The following CEP68 variants were observed in gnomAD, a reference collection of about 807,000 sequenced individuals.
The protein encoded by CEP68 is centrosomal protein of 68 kDa.
In CEP68, 26 loss-of-function variants were observed where a neutral mutation model predicts 55.3. The observed-to-expected ratio is 0.47, with a 90% confidence interval of 0.34 to 0.65. The LOEUF (loss-of-function observed/expected upper bound fraction) is 0.65, where lower values mean the gene tolerates loss of function less well. CEP68 is among the 30% of genes least tolerant of loss of function. The pLI is 0.01. For synonymous variants in CEP68, 402 were observed against 383.2 expected (o/e 1.05, Z -0.57); for missense variants, 957 against 946.7 (o/e 1.01, Z -0.14).
intron 2 of CEP68, 85 bp downstream of exon 2, chr2:65,069,886 T>A: frequency 1.7e-6 from 2 of 1,186,810 alleles, no homozygotes; most frequent in Non-Finnish European, 2.5e-6. Flanking sequence ...TTGCATCCTT[T>A]CCTTGCTACT....
Position 65,077,905 on chromosome 2 carries a change from C to A in CEP68, c.2045C>A (p.Thr682Lys), listed in dbSNP as rs576833128. 1 of 1,613,786 alleles carries A rather than the reference C, an allele frequency of 6.2e-7. No homozygotes were observed. The highest frequency in any genetic ancestry group is 8.5e-7 in the Non-Finnish European group (1 of 1,179,846). The change falls in exon 5 of 7, where the codon ACG becomes AAG. Residue 682 changes from threonine to lysine, a missense_variant. By Grantham distance (78) the Thr-to-Lys change is moderately conservative. Coordinates refer to ENST00000377990, the MANE Select transcript of CEP68 (RefSeq NM_015147.3). The stretch of plus-strand genomic sequence containing the variant: ...GATATAGATGAACATCAGTCTCTGA[C>A]GGAGAGTGTCTTACAGAAGGGGGAG... Reference protein sequence around the residue: ...KKDIDEHQSLTESVLQKGEIL... With the variant: ...KKDIDEHQSLKESVLQKGEIL...
At chr2:65,071,313 T>TG in intron 2 of CEP68, 141 bp from the exon 3 acceptor site, 1 of 677,478 alleles carries the variant, frequency 1.5e-6, no homozygotes. Context: ...GCCTGGTTCT[T>TG]GCCTCAGGCA....
intron 5 of CEP68, among the ~76,000 whole-genome samples, chr2:65,078,771 C>G (rs1326837306): frequency 1.3e-5 from 2 of 152,166 alleles, no homozygotes; most frequent in African/African-American, 4.8e-5. Flanking sequence ...CTTGAACTCC[C>G]TATCTCAGGT....
rs1669036631 is a variant in CEP68, at chr2:65,086,666, C to T, written c.*3032C>T. 1 of 152,340 alleles carries T rather than the reference C, an allele frequency of 6.6e-6. No individual in the cohort carries two copies. The highest frequency in any genetic ancestry group is 2.4e-5 in the African/African-American group (1 of 41,428). 9.4% of individuals were successfully genotyped at this position (152,340 alleles called of 1,614,324 possible). A position where few individuals can be genotyped will look rare whatever the true frequency, so the allele number is the denominator to read the frequency against. On this transcript the variant is annotated 3_prime_UTR_variant, in exon 7 of 7. Transcript: ENST00000377990. ...ACGGCATGGCATCACAGTATCTTGACATTTGTTTTGTGTCATTTAGCTACT... is the reference window on the plus strand; with the variant it reads ...ACGGCATGGCATCACAGTATCTTGATATTTGTTTTGTGTCATTTAGCTACT...
intron 1 of CEP68, among the ~76,000 whole-genome samples, chr2:65,064,298 A>G (rs1676049309): frequency 6.6e-6 from 1 of 152,172 alleles, no homozygotes; most frequent in Non-Finnish European, 1.5e-5. Flanking sequence ...AAGATGAATA[A>G]AAAGTACATG....
intron 6 of CEP68, among the ~76,000 whole-genome samples, 158 bp from the exon 7 acceptor site, chr2:65,083,481 G>T (rs1668930937): frequency 6.6e-6 from 1 of 152,246 alleles, no homozygotes; most frequent in Admixed American, 6.5e-5. Context: ...TTTTCTAGGT[G>T]AGCACTATAG....
At chr2:65,083,523 T>C (rs1171795223) in intron 6 of CEP68, 116 bp from the exon 7 acceptor site, 1 of 152,266 alleles carries the variant, frequency 6.6e-6, no homozygotes, top group Non-Finnish European at 1.5e-5. Context: ...CCTGTGTTTT[T>C]ATCAGAGCAA....
rs1447524189 is a variant in CEP68 at position 65,086,682 on chromosome 2, T to C, written c.*3048T>C. ...GTATCTTGACATTTGTTTTGTGTCA[T>C]TTAGCTACTTTAGAAAATAGTTTCT... On this transcript the variant is annotated 3_prime_UTR_variant, in exon 7 of 7. Coordinates refer to ENST00000377990, the MANE Select transcript of CEP68 (RefSeq NM_015147.3). 1.3e-5 allele frequency: 2 copies of C among 152,490 alleles called. No homozygotes were observed. Among genetic ancestry groups the C allele is most frequent in the African/African-American group, 4.8e-5 (2 of 41,462 alleles). The allele number at this position is 152,490 out of a possible 1,614,324, so 9.4% of individuals were successfully genotyped here.
Position 65,072,810 on chromosome 2 carries a change from G to C in CEP68, c.1714G>C (p.Gly572Arg). Residue 572 changes from glycine to arginine, a missense_variant, in exon 3 of 7, where the codon GGC becomes CGC. Coordinates refer to ENST00000377990, the MANE Select transcript of CEP68 (RefSeq NM_015147.3). ...FVRAHDSAGE[G>R]SLGSSQALGV... ...CCGTGCCCACGACTCCGCAGGGGAA[G>C]GCAGTCTGGGGAGCAGCCAGGCCCT... is the stretch of plus-strand genomic sequence containing the variant. The C allele has an allele frequency of 6.2e-7, 1 of 1,614,220 alleles. No individual in the cohort carries two copies. The highest frequency in any genetic ancestry group is 8.5e-7 in the Non-Finnish European group (1 of 1,180,044).
chr2:65,065,700 G>A (rs1676129524), intron 1 of CEP68, among the ~76,000 whole-genome samples: 1 of 152,178 alleles, frequency 6.6e-6, no homozygotes, highest in Admixed American at 6.5e-5. Flanking sequence ...CAGGCGTGGT[G>A]GCTCATGCCT....
chr2:65,074,345 C>G lies in CEP68; in HGVS notation c.1948C>G (p.His650Asp). The stretch of plus-strand genomic sequence containing the variant: ...GTATAATGTTGCAGATGTTACTGAC[C>G]ACGGGACTGCAGCCAGGTCCAATCT... ...WLYNVADVTD[H>D]GTAARSNLTS... Residue 650 changes from histidine to aspartate, a missense_variant, in exon 4 of 7, where the codon CAC (histidine) becomes GAC (aspartate). Coordinates refer to ENST00000377990, the MANE Select transcript of CEP68 (RefSeq NM_015147.3). 6.2e-7 allele frequency: 1 copy of G among 1,614,142 alleles called. No individual in the cohort carries two copies. Among genetic ancestry groups the G allele is most frequent in the Non-Finnish European group, 8.5e-7 (1 of 1,179,988 alleles).
Position 65,072,063 on chromosome 2 carries a change from G to A in CEP68, c.967G>A (p.Val323Met), listed in dbSNP as rs768270836. The change falls in exon 3 of 7, where the codon GTG (valine) becomes ATG (methionine). Residue 323 changes from valine to methionine, a missense_variant. Coordinates refer to ENST00000377990, the MANE Select transcript of CEP68 (RefSeq NM_015147.3). The part of the protein sequence containing the change: ...PQLPKHLDSR[V>M]PADPVLQDSG... ...GCTCCCAAAGCACCTTGATAGCCGT[G>A]TGCCAGCTGACCCTGTCCTGCAGGA... 1.2e-6 allele frequency: 2 copies of A among 1,613,842 alleles called. No individual in the cohort carries two copies. Among genetic ancestry groups the A allele is most frequent in the East Asian group, 2.2e-5 (1 of 44,840 alleles).
intron 1 of CEP68, among the ~76,000 whole-genome samples, chr2:65,067,573 G>A (rs1472968600): frequency 6.6e-6 from 1 of 152,056 alleles, no homozygotes; most frequent in East Asian, 1.9e-4. Flanking sequence ...CTTGTAAGGT[G>A]ACCTGTTACA....
chr2:65,074,304 A>G lies in CEP68; in HGVS notation c.1907A>G (p.Glu636Gly). The G allele has an allele frequency of 6.2e-7, 1 of 1,614,184 alleles. No individual in the cohort carries two copies. Among genetic ancestry groups the G allele is most frequent in the Non-Finnish European group, 8.5e-7 (1 of 1,180,016 alleles). ...CVKTFCCQLE[E>G]LICWLYNVAD... ...CAGACATTTTGCTGTCAGCTGGAAG[A>G]GCTGATCTGCTGGCTGTATAATGTT... Residue 636 changes from glutamate (E) to glycine (G), a missense_variant, in exon 4 of 7, where the codon GAG (glutamate) becomes GGG (glycine). By Grantham distance (98) the Glu-to-Gly change is moderately conservative. Coordinates refer to ENST00000377990, the MANE Select transcript of CEP68 (RefSeq NM_015147.3).
chr2:65,078,030 G>A (rs1676842421), intron 5 of CEP68, 66 bp downstream of exon 5: 7 of 1,205,460 alleles, frequency 5.8e-6, no homozygotes, highest in East Asian at 2.4e-5. Context: ...CCCAGGGACC[G>A]CACTATCCCT....
At chr2:65,065,090 G>T (rs185706562) in intron 1 of CEP68, among the ~76,000 whole-genome samples, 1 of 152,212 alleles carries the variant, frequency 6.6e-6, no homozygotes, top group Admixed American at 6.5e-5. Flanking sequence ...CAGAGGCTTC[G>T]TTTCCCCATC....
chr2:65,082,799 T>C (rs1668894446), intron 6 of CEP68, 90 bp downstream of exon 6: 4 of 1,100,920 alleles, frequency 3.6e-6, no homozygotes, highest in Non-Finnish European at 5.1e-6. Context: ...CCAAGAACTA[T>C]TATTTAAACA....
At chr2:65,065,380 T>C (rs1248226446) in intron 1 of CEP68, among the ~76,000 whole-genome samples, 1 of 152,190 alleles carries the variant, frequency 6.6e-6, no homozygotes, top group East Asian at 1.9e-4. Context: ...TAGTGCGTCC[T>C]TACACCAGAA....
chr2:65,083,408 T>C (rs1168808193), intron 6 of CEP68, among the ~76,000 whole-genome samples: 1 of 152,238 alleles, frequency 6.6e-6, no homozygotes, highest in African/African-American at 2.4e-5. Context: ...TTTTCATAAT[T>C]CTGCAATTGG....
Sources: allele counts gnomAD v4.1 joint callset (sites outside exome capture counted in the v4.1 genomes callset), GRCh38; gene constraint gnomAD v4.1.1; transcripts MANE v1.5; gene names NCBI Gene and HGNC (gene_info 2026-07-23, HGNC 2026-07-21).